GIPC3: variants seen among roughly 807,000 people sequenced by gnomAD.
GIPC3 encodes GIPC PDZ domain containing family member 3.
Under a neutral mutation model 27.3 loss-of-function variants are expected in GIPC3, and 16 were observed. The observed-to-expected ratio is 0.59, with a 90% CI of 0.40 to 0.89. The LOEUF (loss-of-function observed/expected upper bound fraction) is 0.89, where lower values mean the gene tolerates loss of function less well. Among genes scored for constraint, GIPC3 ranks in the 40% least tolerant of loss-of-function variants. The probability of loss-of-function intolerance (pLI) is 0.00; values close to 1 mark genes in which losing one functional copy is unlikely to be tolerated. For missense variants in GIPC3, 440 were observed against 442.1 expected (o/e 1.00, Z 0.04); for synonymous variants, 194 against 184.6 (o/e 1.05, Z -0.41).
In GIPC3 at chr19:3,590,170, G is replaced by T; in HGVS notation, c.919G>T (p.Ala307Ser). The stretch of plus-strand genomic sequence containing the variant: ...GGAAGTGTGGGCCGCCATCGGCGAG[G>T]CCAGAGAGGCCTGTGGCTAGTTTGC... Reference protein sequence around the residue: ...VVEVWAAIGEAREACG With the variant: ...VVEVWAAIGESREACG Residue 307 changes from alanine to serine, a missense_variant, in exon 6 of 6, where the codon GCC (alanine) becomes TCC (serine). Transcript: ENST00000644452. The T allele has an allele frequency of 1.2e-6, 2 of 1,604,382 alleles. No homozygotes were observed. Among genetic ancestry groups the T allele is most frequent in the African/African-American group, 1.3e-5 (1 of 74,936 alleles).
chr19:3,585,661 CCCGCGCCCTCGGAGCCCCCGG>C lies in GIPC3; in HGVS notation c.73_93del (p.Ser25_Pro31del), dbSNP rs2032349561. On this transcript the variant is annotated inframe_deletion, in exon 1 of 6. Transcript: ENST00000644452. Reference sequence around the variant, plus strand: ...GACCCCGCGCGCGTCTGCGCCCCCGCCCGCGCCCTCGGAGCCCCCGGCCGCGCCCCGCGCCCGCCCGCGCCT... The same window carrying C: ...GACCCCGCGCGCGTCTGCGCCCCCGCCCGCGCCCCGCGCCCGCCCGCGCCT... 1.6e-6 allele frequency: 2 copies of C among 1,240,736 alleles called. No individual in the cohort carries two copies. The highest frequency in any genetic ancestry group is 3.2e-5 in the African/African-American group (2 of 63,260). The allele number at this position is 1,240,736 out of a possible 1,614,324, so 76.9% of individuals were successfully genotyped here. A position where few individuals can be genotyped will look rare whatever the true frequency, so the allele number is the denominator to read the frequency against.
rs2032511188 is a variant in GIPC3, at chr19:3,592,799, C to T, written c.*2609C>T. 1.6e-6 allele frequency: 2 copies of T among 1,231,998 alleles called. No individual in the cohort carries two copies. Among genetic ancestry groups the T allele is most frequent in the Non-Finnish European group, 2.0e-6 (2 of 987,994 alleles). 76.3% of individuals were successfully genotyped at this position (1,231,998 alleles called of 1,614,324 possible). A position where few individuals can be genotyped will look rare whatever the true frequency, so the allele number is the denominator to read the frequency against. ...CTGGAACCCAGCCTGTTTCTGGAAC[C>T]CAATCCAGTTCCAGAACTCACACCA... is the stretch of plus-strand genomic sequence containing the variant. On this transcript the variant is annotated 3_prime_UTR_variant, in exon 6 of 6. Transcript: ENST00000644452.
chr19:3,592,663 A>G lies in GIPC3; in HGVS notation c.*2473A>G, dbSNP rs1035487051. On this transcript the variant is annotated 3_prime_UTR_variant, in exon 6 of 6. Transcript: ENST00000644452. ...CAGACCGGCTCAAGAATTCAGCCCG[A>G]CTCTGGAGCCCAACTTAGTTCCAGA... 1 of 1,230,598 alleles carries G rather than the reference A, an allele frequency of 8.1e-7. No individual in the cohort carries two copies. Among genetic ancestry groups the G allele is most frequent in the Non-Finnish European group, 1.0e-6 (1 of 987,726 alleles). 76.2% of individuals were successfully genotyped at this position (1,230,598 alleles called of 1,614,324 possible).
In GIPC3 at chr19:3,589,501, C is replaced by T. The variant is rs779708218; in HGVS notation, c.651C>T (p.Ser217=). 69 of 1,613,826 alleles carry T rather than the reference C, an allele frequency of 4.3e-5. No homozygotes were observed. The East Asian group carries it at 6.9e-4, about 16-fold the overall frequency. ...SKCPVEAKVT[S]GRETLRLRSG... is the part of the protein sequence containing the mutation. The stretch of plus-strand genomic sequence containing the variant: ...GTCCAGTAGAGGCGAAAGTGACCAG[C>T]GGGAGGGAGACCCTGCGGCTTCGTT... Residue 217 remains serine, a synonymous_variant, in exon 4 of 6, where the codon AGC becomes AGT. Coordinates refer to ENST00000644452, the MANE Select transcript of GIPC3 (RefSeq NM_133261.3).
At chr19:3,587,578 A>C (rs565926503) in intron 3 of GIPC3, among the ~76,000 whole-genome samples, 1 of 151,402 alleles carries the variant, frequency 6.6e-6, no homozygotes, top group Non-Finnish European at 1.5e-5. Flanking sequence ...CACCGCGCGC[A>C]GCCTGGGAAC....
chr19:3,592,300 T>A lies in GIPC3; in HGVS notation c.*2110T>A. On this transcript the variant is annotated 3_prime_UTR_variant, in exon 6 of 6. Coordinates refer to ENST00000644452, the MANE Select transcript of GIPC3 (RefSeq NM_133261.3). ...GCCCCAGACAGCTCTGGTATTCAAC[T>A]GGACTTTGGGAAGCAGAGCAGTTCT... 8.1e-7 allele frequency: 1 copy of A among 1,232,046 alleles called. No homozygotes were observed. Among genetic ancestry groups the A allele is most frequent in the Non-Finnish European group, 1.0e-6 (1 of 987,964 alleles). The allele number at this position is 1,232,046 out of a possible 1,614,324, so 76.3% of individuals were successfully genotyped here.
chr19:3,586,762 ATTG>A, intron 2 of GIPC3, 49 bp from the exon 3 acceptor site: 1 of 1,611,818 alleles, frequency 6.2e-7, no homozygotes, highest in Non-Finnish European at 8.5e-7. Flanking sequence ...GGTTCTGCGG[ATTG>A]GAGGCGGGTG....
At chr19:3,587,376 G>C (rs1466467833) in intron 3 of GIPC3, among the ~76,000 whole-genome samples, 4 of 152,124 alleles carry the variant, frequency 2.6e-5, no homozygotes, top group African/African-American at 9.7e-5. Context: ...CCACCTCCCG[G>C]GTTCAAGCGA....
chr19:3,585,731 A>G lies in GIPC3; in HGVS notation c.134A>G (p.His45Arg). 1 of 1,534,008 alleles carries G rather than the reference A, an allele frequency of 6.5e-7. No homozygotes were observed. Among genetic ancestry groups the G allele is most frequent in the Non-Finnish European group, 8.8e-7 (1 of 1,139,802 alleles). Residue 45 changes from histidine (H) to arginine (R), a missense_variant, in exon 1 of 6, where the codon CAC becomes CGC. Physicochemically the swap from His to Arg is conservative, Grantham distance 29. Transcript: ENST00000644452. ...CTCGTCTTCCGCACGCAGCTGGCGC[A>G]CGGGAGCCCCACGGGCAAGATCGAG... ...PRLVFRTQLA[H>R]GSPTGKIEGF...
intron 3 of GIPC3, among the ~76,000 whole-genome samples, chr19:3,587,706 T>TCTTTTC (rs1568277780): frequency 6.7e-6 from 1 of 149,744 alleles, no homozygotes; most frequent in Non-Finnish European, 1.5e-5. Context: ...TTTTTTTTTT[T>TCTTTTC]TTGAGACGGA....
chr19:3,586,545 GGGGGGTCAGATAGGCCT>G lies in GIPC3; in HGVS notation c.279_295del (p.Gln95LeufsTer17), dbSNP rs727504771. The G allele has an allele frequency of 6.2e-7, 1 of 1,613,592 alleles. No homozygotes were observed. Among genetic ancestry groups the G allele is most frequent in the Non-Finnish European group, 8.5e-7 (1 of 1,179,854 alleles). Reference sequence around the variant, plus strand: ...ACAAAGTGGACATGCAGAAGCTCCTGGGGGGTCAGATAGGCCTGGAGGACTTCATCTTTGCCCACGTG... The same window carrying G: ...ACAAAGTGGACATGCAGAAGCTCCTGGGAGGACTTCATCTTTGCCCACGTG... On this transcript the variant is annotated frameshift_variant, in exon 2 of 6. Transcript: ENST00000644452. LOFTEE classifies it high-confidence loss of function.
At chr19:3,587,112 A>C in intron 3 of GIPC3, 118 bp downstream of exon 3, 1 of 874,718 alleles carries the variant, frequency 1.1e-6, no homozygotes, top group Admixed American at 2.3e-5. Context: ...CTGCGTGCCA[A>C]GGAGCTCCTG....
intron 4 of GIPC3, 28 bp from the exon 5 acceptor site, chr19:3,589,803 C>T (rs1456936372): frequency 1.2e-6 from 2 of 1,609,200 alleles, no homozygotes. Context: ...AGCTTTTCAC[C>T]CCTGACTTCC....
chr19:3,585,959 G>A, intron 1 of GIPC3, 137 bp downstream of exon 1: 9 of 1,413,798 alleles, frequency 6.4e-6, no homozygotes, highest in Non-Finnish European at 8.5e-6. Context: ...GGATCTCAGA[G>A]ACCCAGCCCT....
Position 3,589,748 on chromosome 19 carries a change from C to T in GIPC3, c.706-83C>T, listed in dbSNP as rs2032444791. On this transcript the variant is annotated intron_variant, in intron 4 of 5. Transcript: ENST00000644452. ...CGTGTGAGGGTCCAGTCTACTCTTC[C>T]CTTAGGGGTGGGGGTCGGGAGGGGG... is the stretch of plus-strand genomic sequence containing the variant. 7.2e-6 allele frequency: 10 copies of T among 1,394,248 alleles called. No individual in the cohort carries two copies. The Admixed American group carries it at 1.2e-4, about 17-fold the overall frequency. 86.4% of individuals were successfully genotyped at this position (1,394,248 alleles called of 1,614,324 possible). A position where few individuals can be genotyped will look rare whatever the true frequency, so the allele number is the denominator to read the frequency against.
rs1270275789 is a variant in GIPC3 at position 3,589,311 on chromosome 19, TG to T, written c.593-131del. 6.2e-5 allele frequency: 45 copies of T among 723,240 alleles called. No homozygotes were observed. In the African/African-American group the frequency reaches 7.1e-4, roughly 11 times the overall value. 44.8% of individuals were successfully genotyped at this position (723,240 alleles called of 1,614,324 possible). On this transcript the variant is annotated intron_variant, in intron 3 of 5. Coordinates refer to ENST00000644452, the MANE Select transcript of GIPC3 (RefSeq NM_133261.3). ...AATCTCGAATAGGTCTCTGGAGACT[TG>T]CCGTACAGATGTAAGGAGGACTTTG... is the stretch of plus-strand genomic sequence containing the variant.
rs1599864817 is a variant in GIPC3 at position 3,590,096 on chromosome 19, G to A, written c.845G>A (p.Cys282Tyr). Residue 282 changes from cysteine (C) to tyrosine (Y), a missense_variant, in exon 6 of 6, where the codon TGT becomes TAT. Physicochemically the swap from Cys to Tyr is radical, Grantham distance 194. Transcript: ENST00000644452. ...KTASAQEFAR[C>Y]LDSVLGEFAF... is the part of the protein sequence containing the mutation. The stretch of plus-strand genomic sequence containing the variant: ...GCGAGCGCCCAGGAGTTTGCACGCT[G>A]TTTAGACTCCGTCTTGGGCGAGTTC... The A allele has an allele frequency of 6.2e-7, 1 of 1,611,510 alleles. No individual in the cohort carries two copies. The highest frequency in any genetic ancestry group is 8.5e-7 in the Non-Finnish European group (1 of 1,179,080).
At position 3,592,025 on chromosome 19, in the gene GIPC3, C is replaced by G; in HGVS notation, c.*1835C>G. On this transcript the variant is annotated 3_prime_UTR_variant, in exon 6 of 6. Transcript: ENST00000644452. The stretch of plus-strand genomic sequence containing the variant: ...CTGGAGCACAGGCTGGTTCTGAAAT[C>G]CCAGCCAGCTCCAAAACACAGACAG... The G allele has an allele frequency of 8.1e-7, 1 of 1,232,008 alleles. No individual in the cohort carries two copies. Among genetic ancestry groups the G allele is most frequent in the Middle Eastern group, 3.1e-4 (1 of 3,208 alleles). 76.3% of individuals were successfully genotyped at this position (1,232,008 alleles called of 1,614,324 possible). A position where few individuals can be genotyped will look rare whatever the true frequency, so the allele number is the denominator to read the frequency against.
rs1301440327 is a variant in GIPC3, at chr19:3,593,180, T to C, written c.*2990T>C. 3 of 1,232,182 alleles carry C rather than the reference T, an allele frequency of 2.4e-6. No individual in the cohort carries two copies. The highest frequency in any genetic ancestry group is 3.0e-6 in the Non-Finnish European group (3 of 988,108). The allele number at this position is 1,232,182 out of a possible 1,614,324, so 76.3% of individuals were successfully genotyped here. A position where few individuals can be genotyped will look rare whatever the true frequency, so the allele number is the denominator to read the frequency against. On this transcript the variant is annotated 3_prime_UTR_variant, in exon 6 of 6. Coordinates refer to ENST00000644452, the MANE Select transcript of GIPC3 (RefSeq NM_133261.3). ...TATCTGTCACTCCTAGTCCTGCCCC[T>C]AGGGCAGCCCTCCTGAGTTCCCAGC...
Sources: allele counts gnomAD v4.1 joint callset (sites outside exome capture counted in the v4.1 genomes callset), GRCh38; gene constraint gnomAD v4.1.1; transcripts MANE v1.5; gene names NCBI Gene and HGNC (gene_info 2026-07-23, HGNC 2026-07-21).